Variants in GALR1 observed in about 807,000 individuals in gnomAD.
GALR1 encodes galanin receptor type 1.
GALR1 carries 11 observed loss-of-function variants against 17.9 expected under a neutral mutation model. The observed-to-expected ratio is 0.62, with a 90% CI of 0.39 to 1.02. The LOEUF (loss-of-function observed/expected upper bound fraction) is 1.02. GALR1 is among the 50% of genes least tolerant of loss of function. The pLI, the probability that GALR1 is intolerant of heterozygous loss-of-function variation, is 0.01. For missense variants in GALR1, 441 were observed against 456.9 expected (o/e 0.97, Z 0.32); for synonymous variants, 206 against 205.7 (o/e 1.00, Z -0.01).
At chr18:77,259,054 A>G (rs1453093422) in intron 2 of GALR1, among the ~76,000 whole-genome samples, 2 of 4,666 alleles carry the variant, frequency 4.3e-4, no homozygotes, top group African/African-American at 5.0e-4. Context: ...CATGGTGGTG[A>G]TGATGGTGGT....
At chr18:77,264,679 C>A (rs901844552) in intron 2 of GALR1, among the ~76,000 whole-genome samples, 20 of 152,172 alleles carry the variant, frequency 1.3e-4, no homozygotes, top group African/African-American at 3.9e-4. Context: ...TTGACTCACA[C>A]TTCCACAGGG....
In GALR1 at chr18:77,250,654, A is replaced by G. The variant is rs773113027; in HGVS notation, c.106A>G (p.Thr36Ala). Residue 36 changes from threonine (T) to alanine (A), a missense_variant, in exon 1 of 3, where the codon ACG (threonine) becomes GCG (alanine). Thr to Ala is a moderately conservative substitution (Grantham distance 58). Coordinates refer to ENST00000299727, the MANE Select transcript of GALR1 (RefSeq NM_001480.4). ...LFGIGVENFV[T>A]LVVFGLIFAL... Reference sequence around the variant, plus strand: ...CGGCATCGGCGTGGAGAACTTCGTCACGCTGGTGGTGTTCGGCCTGATCTT... The same window carrying G: ...CGGCATCGGCGTGGAGAACTTCGTCGCGCTGGTGGTGTTCGGCCTGATCTT... 6.2e-7 allele frequency: 1 copy of G among 1,608,266 alleles called. No individual in the cohort carries two copies. The highest frequency in any genetic ancestry group is 1.3e-5 in the African/African-American group (1 of 74,866).
At chr18:77,251,291 G>C in intron 1 of GALR1, 77 bp downstream of exon 1, 2 of 1,518,142 alleles carry the variant, frequency 1.3e-6, no homozygotes, top group Non-Finnish European at 8.8e-7. Context: ...TCAGTGTCCC[G>C]CGGCCCTGCC....
At chr18:77,259,441 A>ATGGTCATGGTGGTGATGC (rs1555672832) in intron 2 of GALR1, among the ~76,000 whole-genome samples, 2 of 135,286 alleles carry the variant, frequency 1.5e-5, no homozygotes, top group Non-Finnish European at 3.2e-5. Flanking sequence ...GGTGGTGATG[A>ATGGTCATGGTGGTGATGC]TGGTGATCAT....
chr18:77,258,625 T>C (rs1912664264), intron 2 of GALR1, among the ~76,000 whole-genome samples: 1 of 149,146 alleles, frequency 6.7e-6, no homozygotes, highest in East Asian at 2.0e-4. Context: ...GTGGTGGTGG[T>C]GATGGTGGTG....
chr18:77,256,083 A>T (rs539996945), intron 1 of GALR1, 75 bp from the exon 2 acceptor site: 60 of 773,376 alleles, frequency 7.8e-5, no homozygotes, highest in Admixed American at 1.6e-4. Context: ...CAGCATGTCA[A>T]TAATTGTTAA....
chr18:77,251,401 T>A (rs1016198842), intron 1 of GALR1, among the ~76,000 whole-genome samples, 187 bp downstream of exon 1: 1 of 152,220 alleles, frequency 6.6e-6, no homozygotes. Flanking sequence ...AGCGTGCCAT[T>A]GGCTTGCGCA....
Position 77,277,805 on chromosome 18 carries a change from C to T in GALR1, c.*8903C>T, listed in dbSNP as rs758095937. 28 of 152,162 alleles carry T rather than the reference C, an allele frequency of 1.8e-4. No homozygotes were observed. Among genetic ancestry groups the T allele is most frequent in the Non-Finnish European group, 8.8e-5 (6 of 68,022 alleles). The allele number at this position is 152,162 out of a possible 1,614,324, so 9.4% of individuals were successfully genotyped here. ...CCAGTTAATGCCAAATCTAGTCATC[C>T]TCCATCATCCTACCTCTGTGTTCTG... On this transcript the variant is annotated 3_prime_UTR_variant, in exon 3 of 3. Transcript: ENST00000299727.
At chr18:77,264,239 G>T (rs1912897473) in intron 2 of GALR1, among the ~76,000 whole-genome samples, 1 of 151,062 alleles carries the variant, frequency 6.6e-6, no homozygotes. Flanking sequence ...TGATAGTCCT[G>T]CAGGGTGTGA....
At chr18:77,253,019 C>CCACCACCAT (rs1912503672) in intron 1 of GALR1, among the ~76,000 whole-genome samples, 1 of 93,946 alleles carries the variant, frequency 1.1e-5, no homozygotes, top group Admixed American at 1.1e-4. Context: ...ACCACCACCA[C>CCACCACCAT]CACCATCACC....
chr18:77,258,538 T>TGG (rs1201393934), intron 2 of GALR1, among the ~76,000 whole-genome samples: 2 of 138,438 alleles, frequency 1.4e-5, no homozygotes, highest in Non-Finnish European at 3.1e-5. Context: ...ATGGTGGCGA[T>TGG]TGTGGTGGTG....
chr18:77,269,031 T>C lies in GALR1; in HGVS notation c.*129T>C. ...AAGAATTCAAGTCGTTTTAATTAAATCCCACGTGTGTTAAAAAGTACTTTG... is the reference window on the plus strand; with the variant it reads ...AAGAATTCAAGTCGTTTTAATTAAACCCCACGTGTGTTAAAAAGTACTTTG... On this transcript the variant is annotated 3_prime_UTR_variant, in exon 3 of 3. Coordinates refer to ENST00000299727, the MANE Select transcript of GALR1 (RefSeq NM_001480.4). The C allele has an allele frequency of 1.4e-6, 1 of 709,792 alleles. No homozygotes were observed. Among genetic ancestry groups the C allele is most frequent in the Non-Finnish European group, 2.4e-6 (1 of 422,420 alleles). 44.0% of individuals were successfully genotyped at this position (709,792 alleles called of 1,614,324 possible). A position where few individuals can be genotyped will look rare whatever the true frequency, so the allele number is the denominator to read the frequency against.
At position 77,258,928 on chromosome 18, in the gene GALR1, T is replaced by G. The variant is rs1475678562; in HGVS notation, c.732+2705T>G. Among the ~76,000 whole-genome samples, 51 of 138,262 alleles carry G rather than the reference T, an allele frequency of 3.7e-4. 2 individuals carry two copies. Among genetic ancestry groups the G allele is most frequent in the African/African-American group, 1.3e-3 (49 of 36,766 alleles). 90.7% of individuals were successfully genotyped at this position (138,262 alleles called of 152,430 possible). A position where few individuals can be genotyped will look rare whatever the true frequency, so the allele number is the denominator to read the frequency against. On this transcript the variant is annotated intron_variant, in intron 2 of 2. Coordinates refer to ENST00000299727, the MANE Select transcript of GALR1 (RefSeq NM_001480.4). ...TGGGCGGTAGTGGTGGTGATGATGG[T>G]CATGGTGGTGATGATGGTGGTCATG...
intron 2 of GALR1, among the ~76,000 whole-genome samples, chr18:77,264,305 G>T (rs187713278): frequency 6.6e-6 from 1 of 152,096 alleles, no homozygotes; most frequent in Non-Finnish European, 1.5e-5. Context: ...ATCTGTGGTG[G>T]GACAGTGCTG....
In GALR1 at chr18:77,251,160, C is replaced by T; in HGVS notation, c.612C>T (p.Thr204=). 1.2e-6 allele frequency: 2 copies of T among 1,611,578 alleles called. No homozygotes were observed. The highest frequency in any genetic ancestry group is 2.2e-5 in the East Asian group (1 of 44,810). Residue 204 remains threonine (T), a synonymous_variant, in exon 1 of 3, where the codon ACC becomes ACT. Transcript: ENST00000299727. ...ACAAGAAGGCCTACGTGGTGTGCAC[C>T]TTCGTCTTCGGCTACCTGCTGCCGC... The part of the protein sequence containing the change: ...PRHKKAYVVC[T]FVFGYLLPLL...
chr18:77,265,177 G>A (rs1912919385), intron 2 of GALR1, among the ~76,000 whole-genome samples: 1 of 152,122 alleles, frequency 6.6e-6, no homozygotes, highest in South Asian at 2.1e-4. Flanking sequence ...AGATACAATG[G>A]GAGTACAGGC....
In GALR1 at chr18:77,250,685, T is replaced by C. The variant is rs969394480; in HGVS notation, c.137T>C (p.Leu46Pro). ...GTGGTGTTCGGCCTGATCTTCGCGC[T>C]GGGTGTGCTGGGCAACAGCCTAGTG... The part of the protein sequence containing the change: ...TLVVFGLIFA[L>P]GVLGNSLVIT... Residue 46 changes from leucine to proline, a missense_variant, in exon 1 of 3, where the codon CTG (leucine) becomes CCG (proline). Transcript: ENST00000299727. 32 of 1,613,148 alleles carry C rather than the reference T, an allele frequency of 2.0e-5. No individual in the cohort carries two copies. The highest frequency in any genetic ancestry group is 2.7e-5 in the Non-Finnish European group (32 of 1,179,920).
chr18:77,251,296 C>T, intron 1 of GALR1, 82 bp downstream of exon 1: 1 of 1,506,930 alleles, frequency 6.6e-7, no homozygotes, highest in South Asian at 1.3e-5. Context: ...GTCCCGCGGC[C>T]CTGCCGGAGC....
In GALR1 at chr18:77,251,861, G is replaced by A. The variant is rs114723357; in HGVS notation, c.666+647G>A. Among the ~76,000 whole-genome samples the A allele has an allele frequency of 1.1e-3, 173 of 152,344 alleles. 1 individual carries two copies. Among genetic ancestry groups the A allele is most frequent in the African/African-American group, 4.1e-3 (169 of 41,592 alleles). On this transcript the variant is annotated intron_variant, in intron 1 of 2. Transcript: ENST00000299727. ...TGAAGCCGCTGCTCCCGGGGACAGA[G>A]CCTCGAATTTTATTTTATTCTGAAG...
Sources: allele counts gnomAD v4.1 joint callset (sites outside exome capture counted in the v4.1 genomes callset), GRCh38; gene constraint gnomAD v4.1.1; transcripts MANE v1.5; gene names NCBI Gene and HGNC (gene_info 2026-07-23, HGNC 2026-07-21).